Variants in CCDC27 observed in about 807,000 individuals in gnomAD.
CCDC27 encodes the protein coiled-coil domain-containing protein 27.
Under a neutral mutation model 80.3 loss-of-function variants are expected in CCDC27, and 80 were observed. That is an observed-to-expected ratio of 1.00 (90% confidence interval 0.83 to 1.20). The LOEUF is 1.20. Ranked by LOEUF, CCDC27 falls within the 50% of genes most tolerant of loss-of-function variation. The pLI, the probability that CCDC27 is intolerant of heterozygous loss-of-function variation, is 0.00. For synonymous variants in CCDC27, 342 were observed against 334.3 expected (o/e 1.02, Z -0.25); for missense variants, 815 against 809.4 (o/e 1.01, Z -0.08).
At chr1:3,755,203 C>G (rs761163919) in intron 2 of CCDC27, among the ~76,000 whole-genome samples, 3 of 152,190 alleles carry the variant, frequency 2.0e-5, no homozygotes, top group Admixed American at 6.5e-5. Flanking sequence ...AAAGTAGGGT[C>G]TGCCCCTCCG....
chr1:3,758,771 T>G (rs1175317162), intron 4 of CCDC27, among the ~76,000 whole-genome samples: 1 of 152,042 alleles, frequency 6.6e-6, no homozygotes, highest in Non-Finnish European at 1.5e-5. Context: ...ATTTTTTTCG[T>G]TTTTTTGTGG....
chr1:3,766,962 T>G lies in CCDC27; in HGVS notation c.1531-271T>G, dbSNP rs1232358991. On this transcript the variant is annotated intron_variant, in intron 9 of 11. Coordinates refer to ENST00000294600, the MANE Select transcript of CCDC27 (RefSeq NM_152492.3). The surrounding 1 kb of genome is among the most constrained non-coding windows in gnomAD (Gnocchi z 6.1). ...TTCAAGTGATTCTCCTGCCTCAGTC[T>G]CCCGAGTAGCTGGGACTACCAGCAC... 6.6e-6 allele frequency among the ~76,000 whole-genome samples: 1 copy of G among 150,796 alleles called. No individual in the cohort carries two copies. The highest frequency in any genetic ancestry group is 6.6e-5 in the Admixed American group (1 of 15,096).
Position 3,766,837 on chromosome 1 carries a change from C to CTTTTTTTTT in CCDC27, c.1530+239_1530+247dup, listed in dbSNP as rs34635257. ...AGGGACCCAGCAAGCGTTCCCAGTC[C>CTTTTTTTTT]TTTTTTTTTTTTTTTTTTTTTTGAG... On this transcript the variant is annotated intron_variant, in intron 9 of 11. Transcript: ENST00000294600. The surrounding 1 kb of genome is among the most constrained non-coding windows in gnomAD (Gnocchi z 6.1). Among the ~76,000 whole-genome samples the CTTTTTTTTT allele has an allele frequency of 9.5e-6, 1 of 105,464 alleles. No individual in the cohort carries two copies. Among genetic ancestry groups the CTTTTTTTTT allele is most frequent in the African/African-American group, 4.1e-5 (1 of 24,164 alleles). The allele number at this position is 105,464 out of a possible 152,430, so 69.2% of individuals were successfully genotyped here. A position where few individuals can be genotyped will look rare whatever the true frequency, so the allele number is the denominator to read the frequency against.
intron 10 of CCDC27, 103 bp downstream of exon 10, chr1:3,767,548 G>A (rs1203441888): frequency 7.8e-5 from 75 of 955,464 alleles, no homozygotes; most frequent in Non-Finnish European, 4.7e-5. Context: ...GTCTGTGTAC[G>A]CTGGGGCTCG....
At chr1:3,758,249 G>A (rs1643007668) in intron 4 of CCDC27, among the ~76,000 whole-genome samples, 1 of 152,046 alleles carries the variant, frequency 6.6e-6, no homozygotes. Context: ...GAGTGCAGTG[G>A]CGCCATTCAG....
chr1:3,769,031 G>A lies in CCDC27; in HGVS notation c.1744-752G>A, dbSNP rs995686278. 6.6e-6 allele frequency among the ~76,000 whole-genome samples: 1 copy of A among 152,284 alleles called. No individual in the cohort carries two copies. Among genetic ancestry groups the A allele is most frequent in the Non-Finnish European group, 1.5e-5 (1 of 68,020 alleles). On this transcript the variant is annotated intron_variant, in intron 10 of 11. Transcript: ENST00000294600. This position sits in a 1 kb window ranked among gnomAD's most constrained non-coding sequence, Gnocchi z 4.6. The stretch of plus-strand genomic sequence containing the variant: ...ACTCGGAGGCAAGGCTGAGCCTCTC[G>A]GGCCCAGCTCCTGTGGGGCACCTCT...
At chr1:3,754,021 G>T (rs1406126010) in intron 1 of CCDC27, 97 bp from the exon 2 acceptor site, 6 of 1,526,028 alleles carry the variant, frequency 3.9e-6, no homozygotes, top group Non-Finnish European at 3.5e-6. Context: ...CCATTGGGGC[G>T]ATTTGTGATG....
At chr1:3,757,538 C>A (rs1021553785) in intron 4 of CCDC27, among the ~76,000 whole-genome samples, 6 of 151,936 alleles carry the variant, frequency 3.9e-5, no homozygotes, top group Non-Finnish European at 8.8e-5. Flanking sequence ...GCTCCCTGAG[C>A]TCAAGCAATC....
chr1:3,752,770 C>G lies in CCDC27; in HGVS notation c.289C>G (p.Gln97Glu), dbSNP rs1262671931. The G allele has an allele frequency of 1.9e-6, 3 of 1,613,144 alleles. No homozygotes were observed. Residue 97 changes from glutamine (Q) to glutamate (E), a missense_variant, in exon 1 of 12, where the codon CAG (glutamine) becomes GAG (glutamate). Physicochemically the swap from Gln to Glu is conservative, Grantham distance 29 (BLOSUM62 2). Transcript: ENST00000294600. ...GCCACGCACGCTCAGCAAGTCGGTCCAGACCATCAGCCGCTACTACAGGAA... is the reference window on the plus strand; with the variant it reads ...GCCACGCACGCTCAGCAAGTCGGTCGAGACCATCAGCCGCTACTACAGGAA... ...QKPRTLSKSV[Q>E]TISRYYRKTS...
In CCDC27 at chr1:3,763,004, T is replaced by C; in HGVS notation, c.955-104T>C. On this transcript the variant is annotated intron_variant, in intron 6 of 11. Coordinates refer to ENST00000294600, the MANE Select transcript of CCDC27 (RefSeq NM_152492.3). The surrounding 1 kb of genome is among the most constrained non-coding windows in gnomAD (Gnocchi z 7.5). The stretch of plus-strand genomic sequence containing the variant: ...CCACTCCCTGGACCCTGCAGCAGCC[T>C]GGAAGGAGGCGCCCTCCCCGGTGCC... The C allele has an allele frequency of 7.4e-7, 1 of 1,359,872 alleles. No homozygotes were observed. Among genetic ancestry groups the C allele is most frequent in the Non-Finnish European group, 9.7e-7 (1 of 1,033,210 alleles). 84.2% of individuals were successfully genotyped at this position (1,359,872 alleles called of 1,614,324 possible). A position where few individuals can be genotyped will look rare whatever the true frequency, so the allele number is the denominator to read the frequency against.
intron 6 of CCDC27, 61 bp downstream of exon 6, chr1:3,762,773 C>A (rs931421607): frequency 2.1e-6 from 3 of 1,439,488 alleles, no homozygotes; most frequent in South Asian, 2.5e-5. Context: ...GCCACCTAGG[C>A]TGCTTAACTA....
Position 3,760,415 on chromosome 1 carries a change from C to T in CCDC27, c.712-866C>T, listed in dbSNP as rs1253670845. Among the ~76,000 whole-genome samples, 2 of 152,040 alleles carry T rather than the reference C, an allele frequency of 1.3e-5. No individual in the cohort carries two copies. Among genetic ancestry groups the T allele is most frequent in the East Asian group, 1.9e-4 (1 of 5,192 alleles). On this transcript the variant is annotated intron_variant, in intron 4 of 11. Transcript: ENST00000294600. This position sits in a 1 kb window ranked among gnomAD's most constrained non-coding sequence, Gnocchi z 4.3. Reference sequence around the variant, plus strand: ...TTTATTCCTTTTCTTCTACTTTCTGCGGGATTAATTTTAGTTCTTTTTCTG... The same window carrying T: ...TTTATTCCTTTTCTTCTACTTTCTGTGGGATTAATTTTAGTTCTTTTTCTG...
In CCDC27 at chr1:3,752,458, C is replaced by T. The variant is rs1642842979; in HGVS notation, c.-24C>T. On this transcript the variant is annotated 5_prime_UTR_variant, in exon 1 of 12. Coordinates refer to ENST00000294600, the MANE Select transcript of CCDC27 (RefSeq NM_152492.3). Reference sequence around the variant, plus strand: ...CTGGAGCTCTGGAAGCTGATCTCCTCCCACTGCACCAGCCAGCAGGTTCAT... The same window carrying T: ...CTGGAGCTCTGGAAGCTGATCTCCTTCCACTGCACCAGCCAGCAGGTTCAT... The T allele has an allele frequency of 6.2e-7, 1 of 1,610,572 alleles. No homozygotes were observed. The highest frequency in any genetic ancestry group is 1.1e-5 in the South Asian group (1 of 90,868).
At chr1:3,762,260 G>A (rs557844610) in intron 5 of CCDC27, among the ~76,000 whole-genome samples, 330 of 152,292 alleles carry the variant, frequency 2.2e-3, no homozygotes, top group Middle Eastern at 0.017. Context: ...GCCAGCCGGC[G>A]GCTTCCACTC....
Position 3,752,736 on chromosome 1 carries a change from G to T in CCDC27, c.255G>T (p.Pro85=), listed in dbSNP as rs752665201. 1.9e-6 allele frequency: 3 copies of T among 1,613,790 alleles called. No homozygotes were observed. Among genetic ancestry groups the T allele is most frequent in the Non-Finnish European group, 2.5e-6 (3 of 1,180,024 alleles). The part of the protein sequence containing the change: ...SRDARCPEWK[P]HQKPRTLSKS... ...ACGCCCGGTGCCCAGAATGGAAACCGCACCAAAAGCCACGCACGCTCAGCA... is the reference window on the plus strand; with the variant it reads ...ACGCCCGGTGCCCAGAATGGAAACCTCACCAAAAGCCACGCACGCTCAGCA... Residue 85 remains proline, a synonymous_variant, in exon 1 of 12, where the codon CCG becomes CCT. Coordinates refer to ENST00000294600, the MANE Select transcript of CCDC27 (RefSeq NM_152492.3).
chr1:3,763,679 G>T lies in CCDC27; in HGVS notation c.1322-27G>T. The stretch of plus-strand genomic sequence containing the variant: ...TCCCTCACTGCCCCTGCTTGCTCCT[G>T]CTCACCGCCTCTGCCTCTGTGCCCA... On this transcript the variant is annotated intron_variant, in intron 7 of 11. Transcript: ENST00000294600. The surrounding 1 kb of genome is among the most constrained non-coding windows in gnomAD (Gnocchi z 7.5). 6.2e-7 allele frequency: 1 copy of T among 1,613,628 alleles called. No individual in the cohort carries two copies. Among genetic ancestry groups the T allele is most frequent in the East Asian group, 2.2e-5 (1 of 44,872 alleles).
chr1:3,771,505 G>A lies in CCDC27; in HGVS notation c.1953G>A (p.Lys651=), dbSNP rs1352124367. 3 of 1,613,824 alleles carry A rather than the reference G, an allele frequency of 1.9e-6. No homozygotes were observed. The highest frequency in any genetic ancestry group is 3.3e-5 in the Admixed American group (2 of 60,020). Residue 651 remains lysine, a synonymous_variant, in exon 12 of 12, where the codon AAG becomes AAA. Transcript: ENST00000294600. ...QSEAFLTSKS[K]KGTSK is the part of the protein sequence containing the mutation. ...AGGCCTTCCTGACCAGCAAATCCAA[G>A]AAGGGGACCTCCAAGTAGGCCCAGC...
chr1:3,756,088 C>G (rs1456425390), intron 3 of CCDC27: 1 of 158,484 alleles, frequency 6.3e-6, no homozygotes, highest in Non-Finnish European at 1.4e-5. Flanking sequence ...CGCCTGTAAT[C>G]ACAGCACTTT....
At position 3,763,819 on chromosome 1, in the gene CCDC27, C is replaced by T; in HGVS notation, c.1435C>T (p.Gln479Ter). The T allele has an allele frequency of 2.5e-6, 4 of 1,610,594 alleles. No homozygotes were observed. The highest frequency in any genetic ancestry group is 3.4e-6 in the Non-Finnish European group (4 of 1,179,260). ...KELRERRQQL[Q>*]AMTDKFSNLR... is the part of the protein sequence containing the mutation. ...GCTCCGAGAGCGGAGGCAGCAGCTA[C>T]AAGCCATGACCGACAAGGTGGCCGT... is the stretch of plus-strand genomic sequence containing the variant. The change falls in exon 8 of 12, where the codon CAA becomes TAA. Residue 479 changes from glutamine (Q) to a stop codon, truncating the protein, a stop_gained. Transcript: ENST00000294600. LOFTEE classifies it high-confidence loss of function. This position sits in a 1 kb window ranked among gnomAD's most constrained non-coding sequence, Gnocchi z 7.5.
Sources: allele counts gnomAD v4.1 joint callset (sites outside exome capture counted in the v4.1 genomes callset), GRCh38; gene constraint gnomAD v4.1.1; non-coding constraint Gnocchi (gnomAD v3.1); transcripts MANE v1.5; gene names NCBI Gene and HGNC (gene_info 2026-07-23, HGNC 2026-07-21).